Variants in ZNF385C observed in about 807,000 individuals in gnomAD.
ZNF385C encodes CTD-2132N18.2.
ZNF385C carries 28 observed loss-of-function variants against 35.4 expected under a neutral mutation model. The observed-to-expected ratio is 0.79, with a 90% CI of 0.59 to 1.08. ZNF385C has a LOEUF of 1.08. Ranked by LOEUF, ZNF385C falls within the 50% of genes least tolerant of loss-of-function variation. The pLI is 0.00. For synonymous variants in ZNF385C, 248 were observed against 248.2 expected, an observed-to-expected ratio of 1.00 and a Z score of 0.01; for missense variants, 605 against 595.6, an observed-to-expected ratio of 1.02 and a Z score of -0.16.
chr17:42,089,423 C>A (rs2053842145), intron 1 of ZNF385C, among the ~76,000 whole-genome samples: 1 of 152,108 alleles, frequency 6.6e-6, no homozygotes, highest in African/African-American at 2.4e-5. Flanking sequence ...AGAATGCTTG[C>A]CCCAGCCTGG....
At chr17:42,072,968 G>A (rs1341514742) in intron 1 of ZNF385C, among the ~76,000 whole-genome samples, 2 of 152,110 alleles carry the variant, frequency 1.3e-5, no homozygotes, top group African/African-American at 4.8e-5. Flanking sequence ...ACCACCTTCC[G>A]CCCCCGGCCG....
intron 1 of ZNF385C, among the ~76,000 whole-genome samples, chr17:42,081,960 G>A (rs1555659747): frequency 6.6e-6 from 1 of 152,180 alleles, no homozygotes; most frequent in Non-Finnish European, 1.5e-5. Flanking sequence ...CTGGCTCTCA[G>A]AGTCTTCCTC....
Position 42,028,247 on chromosome 17 carries a change from C to T in ZNF385C, c.968-1G>A. ...TCCATCATCCACCGGTGCTTGGCTC[C>T]TGGAGAGGGAAGAAGGCAGTCTCTC... is the stretch of plus-strand genomic sequence containing the variant. On this transcript the variant is annotated splice_acceptor_variant, in intron 6 of 8. Transcript: ENST00000692273. LOFTEE classifies it high-confidence loss of function. 1.3e-6 allele frequency: 2 copies of T among 1,526,014 alleles called. No individual in the cohort carries two copies. The highest frequency in any genetic ancestry group is 1.3e-5 in the South Asian group (1 of 76,928). The allele number at this position is 1,526,014 out of a possible 1,614,324, so 94.5% of individuals were successfully genotyped here. A position where few individuals can be genotyped will look rare whatever the true frequency, so the allele number is the denominator to read the frequency against.
intron 1 of ZNF385C, among the ~76,000 whole-genome samples, chr17:42,081,247 A>G (rs2053745845): frequency 6.6e-6 from 1 of 152,088 alleles, no homozygotes. Flanking sequence ...GAAGACCAGC[A>G]CTCAGGAGGG....
chr17:42,057,751 C>A (rs147189380), intron 2 of ZNF385C, among the ~76,000 whole-genome samples: 1 of 152,036 alleles, frequency 6.6e-6, no homozygotes, highest in African/African-American at 2.4e-5. Flanking sequence ...TGAGACCAGC[C>A]TGGCCAATAT....
At chr17:42,042,792 C>T in intron 2 of ZNF385C, 1 of 1,229,152 alleles carries the variant, frequency 8.1e-7, no homozygotes, top group Non-Finnish European at 1.0e-6. Context: ...TCAGTGTCCT[C>T]CCTTCCCAAG....
At chr17:42,031,072 G>C (rs1567983722) in intron 5 of ZNF385C, among the ~76,000 whole-genome samples, 2 of 151,966 alleles carry the variant, frequency 1.3e-5, no homozygotes, top group East Asian at 3.9e-4. Context: ...GGTGGGCAGG[G>C]GAGGTTAGAG....
intron 2 of ZNF385C, among the ~76,000 whole-genome samples, chr17:42,059,119 T>C (rs2053423336): frequency 2.6e-5 from 4 of 152,230 alleles, no homozygotes; most frequent in Admixed American, 2.6e-4. Flanking sequence ...CTTCTCTAGC[T>C]GGAGCCCCAG....
At chr17:42,074,400 T>C (rs2053663179) in intron 1 of ZNF385C, among the ~76,000 whole-genome samples, 2 of 152,120 alleles carry the variant, frequency 1.3e-5, no homozygotes, top group Admixed American at 1.3e-4. Flanking sequence ...AAAGATTTTT[T>C]TTTTTTTTTG....
intron 1 of ZNF385C, among the ~76,000 whole-genome samples, chr17:42,070,339 A>G (rs1174848892): frequency 1.3e-5 from 2 of 152,202 alleles, no homozygotes; most frequent in African/African-American, 4.8e-5. Context: ...GCGAGACTCC[A>G]TCTCAAAAAA....
intron 1 of ZNF385C, among the ~76,000 whole-genome samples, chr17:42,091,788 G>A (rs2053865483): frequency 6.6e-6 from 1 of 152,184 alleles, no homozygotes; most frequent in South Asian, 2.1e-4. Context: ...TCAGGAAGCT[G>A]CTAACTAGGA....
intron 1 of ZNF385C, among the ~76,000 whole-genome samples, chr17:42,080,723 G>A (rs1311980989): frequency 6.6e-6 from 1 of 152,228 alleles, no homozygotes; most frequent in Non-Finnish European, 1.5e-5. Flanking sequence ...CATGAAGAAG[G>A]AGTCCTTTCA....
At chr17:42,044,329 A>G (rs1214209619) in intron 2 of ZNF385C, among the ~76,000 whole-genome samples, 1 of 139,978 alleles carries the variant, frequency 7.1e-6, no homozygotes, top group Non-Finnish European at 1.6e-5. Flanking sequence ...AAAAAAAAAA[A>G]AAGACGGCCG....
chr17:42,063,547 CA>C (rs1452597107), intron 1 of ZNF385C, among the ~76,000 whole-genome samples: 2 of 151,942 alleles, frequency 1.3e-5, no homozygotes, highest in South Asian at 4.2e-4. Context: ...AAAAAACAAA[CA>C]AAAAACAAAA....
chr17:42,043,558 G>A (rs2053079613), intron 2 of ZNF385C: 2 of 437,610 alleles, frequency 4.6e-6, no homozygotes, highest in Non-Finnish European at 7.6e-6. Flanking sequence ...CTCTGCCGGT[G>A]GGAGACTGGA....
At chr17:42,055,439 G>A (rs1555657480) in intron 2 of ZNF385C, among the ~76,000 whole-genome samples, 1 of 152,104 alleles carries the variant, frequency 6.6e-6, no homozygotes, top group Non-Finnish European at 1.5e-5. Flanking sequence ...ACACCTGGGG[G>A]AGGGGGATGT....
rs1336086033 is a variant in ZNF385C, at chr17:42,050,659, G to GC, written c.250+12147dup. 2.0e-5 allele frequency: 3 copies of GC among 151,754 alleles called. No homozygotes were observed. Among genetic ancestry groups the GC allele is most frequent in the Non-Finnish European group, 2.9e-5 (2 of 67,898 alleles). 9.4% of individuals were successfully genotyped at this position (151,754 alleles called of 1,614,324 possible). A position where few individuals can be genotyped will look rare whatever the true frequency, so the allele number is the denominator to read the frequency against. ...CACTAGCGGCAACGGGGGCGAAGAGGCGCCAGCAGCCAGCGCCGGCCAGGG... is the reference window on the plus strand; with the variant it reads ...CACTAGCGGCAACGGGGGCGAAGAGGCCGCCAGCAGCCAGCGCCGGCCAGGG... On this transcript the variant is annotated intron_variant, in intron 2 of 8. Coordinates refer to ENST00000692273, the MANE Select transcript of ZNF385C (RefSeq NM_001392013.1). This position sits in a 1 kb window ranked among gnomAD's most constrained non-coding sequence, Gnocchi z 5.6.
intron 1 of ZNF385C, among the ~76,000 whole-genome samples, chr17:42,083,353 C>T (rs928655010): frequency 1.3e-5 from 2 of 151,776 alleles, no homozygotes; most frequent in African/African-American, 4.8e-5. Flanking sequence ...CAGGCACCCG[C>T]CAACACGCCC....
chr17:42,042,794 C>A, intron 2 of ZNF385C: 1 of 1,230,202 alleles, frequency 8.1e-7, no homozygotes, highest in South Asian at 4.2e-5. Context: ...AGTGTCCTCC[C>A]TTCCCAAGCC....
Sources: gnomAD v4.1 joint callset for allele counts (sites outside exome capture counted in the v4.1 genomes callset) on GRCh38, gnomAD v4.1.1 for gene constraint, Gnocchi (gnomAD v3.1) non-coding constraint, MANE v1.5 for transcripts, NCBI Gene and HGNC (gene_info 2026-07-23, HGNC 2026-07-21) for gene names.